The following ARHGEF4 variants were observed in gnomAD, a reference collection of about 807,000 sequenced individuals.
ARHGEF4 encodes APC-stimulated guanine nucleotide exchange factor 1.
A neutral mutation model predicts 162.0 loss-of-function variants in ARHGEF4; 119 were observed. The ratio of observed to expected loss-of-function variants is 0.73; its 90% CI spans 0.63 to 0.86. The LOEUF (loss-of-function observed/expected upper bound fraction) is 0.86, where lower values mean the gene tolerates loss of function less well. Ranked by LOEUF, ARHGEF4 falls within the 40% of genes least tolerant of loss-of-function variation. The pLI, the probability that ARHGEF4 is intolerant of heterozygous loss-of-function variation, is 0.00. For missense variants in ARHGEF4, 2,488 were observed against 2,456.0 expected (o/e 1.01, Z -0.28); for synonymous variants, 1,014 against 979.9 (o/e 1.03, Z -0.65).
intron 5 of ARHGEF4, chr2:131,035,780 C>T: frequency 1.0e-6 from 1 of 985,442 alleles, no homozygotes; most frequent in South Asian, 4.7e-5. Context: ...CTCTGAAGCC[C>T]CCACCCCTGC....
chr2:130,957,519 A>C (rs1278897428), intron 4 of ARHGEF4, among the ~76,000 whole-genome samples: 1 of 152,188 alleles, frequency 6.6e-6, no homozygotes, highest in Non-Finnish European at 1.5e-5. Context: ...GGGGGTGTTG[A>C]GAATGTTCTA....
chr2:130,864,673 G>A (rs946008061), intron 1 of ARHGEF4, among the ~76,000 whole-genome samples: 1 of 152,168 alleles, frequency 6.6e-6, no homozygotes, highest in South Asian at 2.1e-4. Context: ...GTAGTGAGCC[G>A]AGATCATGCC....
chr2:130,958,101 A>C (rs1179855421), intron 4 of ARHGEF4, among the ~76,000 whole-genome samples: 2 of 151,844 alleles, frequency 1.3e-5, no homozygotes, highest in Non-Finnish European at 2.9e-5. Flanking sequence ...ACCCCGGCTC[A>C]CCACTCTCAT....
chr2:131,006,266 A>G (rs1688107490), intron 4 of ARHGEF4, among the ~76,000 whole-genome samples: 2 of 152,198 alleles, frequency 1.3e-5, no homozygotes, highest in African/African-American at 4.8e-5. Context: ...TGACACCTTA[A>G]TTTAGGCTCT....
chr2:130,891,173 G>T (rs1343436110), intron 1 of ARHGEF4, among the ~76,000 whole-genome samples: 2 of 152,178 alleles, frequency 1.3e-5, no homozygotes, highest in Non-Finnish European at 2.9e-5. Context: ...GAGGGCAGGG[G>T]CTGTCTCTGA....
At chr2:131,045,959 G>T in intron 13 of ARHGEF4, 79 bp from the exon 14 acceptor site, 1 of 1,540,368 alleles carries the variant, frequency 6.5e-7, no homozygotes, top group South Asian at 1.2e-5. Flanking sequence ...CCCTGGGACG[G>T]ACCCCATGCT....
intron 4 of ARHGEF4, among the ~76,000 whole-genome samples, chr2:131,018,588 A>T (rs141677214): frequency 3.9e-5 from 6 of 152,310 alleles, no homozygotes; most frequent in African/African-American, 1.2e-4. Context: ...AATGCACAAA[A>T]GATTTAAATT....
At chr2:131,034,178 C>G (rs980762314) in intron 5 of ARHGEF4, among the ~76,000 whole-genome samples, 1 of 152,188 alleles carries the variant, frequency 6.6e-6, no homozygotes, top group Non-Finnish European at 1.5e-5. Context: ...CCTCCCTGCC[C>G]TCCAGGAACT....
chr2:131,035,099 GGGCCCCGCAGCCCCGGCGC>G (rs1026658961), intron 5 of ARHGEF4: 23 of 1,088,260 alleles, frequency 2.1e-5, no homozygotes, highest in Admixed American at 5.3e-5. Flanking sequence ...GCCATGGCGA[GGGCCCCGCAGCCCCGGCGC>G]GGCCCCGCGG....
At chr2:131,020,878 G>A (rs1328863390) in intron 4 of ARHGEF4, among the ~76,000 whole-genome samples, 8 of 152,058 alleles carry the variant, frequency 5.3e-5, no homozygotes, top group African/African-American at 1.7e-4. Flanking sequence ...TTTAATGATC[G>A]CCATTCTAAC....
At chr2:130,971,510 T>C (rs1685365938) in intron 4 of ARHGEF4, among the ~76,000 whole-genome samples, 1 of 151,988 alleles carries the variant, frequency 6.6e-6, no homozygotes, top group African/African-American at 2.4e-5. Flanking sequence ...ATACAAAAAT[T>C]AGCCAGGCGT....
intron 4 of ARHGEF4, among the ~76,000 whole-genome samples, chr2:130,989,567 G>A (rs891271136): frequency 3.3e-5 from 5 of 152,148 alleles, no homozygotes; most frequent in African/African-American, 1.2e-4. Context: ...GTGTCAAAAC[G>A]GAATAGGAAA....
In ARHGEF4 at chr2:131,040,275, G is replaced by A. The variant is rs1481595417; in HGVS notation, c.4497G>A (p.Gln1499=). ...TCCGCCCGCAGGGCTACGTCCGGCA[G>A]TGCCGCAAGCGCGCAGACATGTTCA... ...LRDICEGYVR[Q]CRKRADMFSE... The change falls in exon 8 of 14, where the codon CAG becomes CAA. Residue 1499 remains glutamine, a synonymous_variant. Transcript: ENST00000409359. The A allele has an allele frequency of 2.5e-6, 4 of 1,612,758 alleles. No individual in the cohort carries two copies. The African/African-American group carries it at 4.0e-5, about 16-fold the overall frequency.
At chr2:130,918,643 G>A (rs1221050835) in intron 2 of ARHGEF4, among the ~76,000 whole-genome samples, 1 of 152,204 alleles carries the variant, frequency 6.6e-6, no homozygotes, top group South Asian at 2.1e-4. Context: ...CTGGCAGAGC[G>A]CCTCCAGGCC....
intron 4 of ARHGEF4, among the ~76,000 whole-genome samples, chr2:130,947,809 T>C (rs955001990): frequency 5.3e-5 from 8 of 152,160 alleles, no homozygotes; most frequent in Non-Finnish European, 1.2e-4. Context: ...AGATCTGTCT[T>C]CTGGTGGAAG....
chr2:130,855,127 G>A (rs1681682020), intron 1 of ARHGEF4, among the ~76,000 whole-genome samples: 3 of 151,616 alleles, frequency 2.0e-5, no homozygotes, highest in South Asian at 2.1e-4. Flanking sequence ...CGCCTGCCTC[G>A]GCCTCCCAAA....
intron 4 of ARHGEF4, among the ~76,000 whole-genome samples, chr2:131,026,337 G>A (rs1485954717): frequency 6.6e-6 from 1 of 152,152 alleles, no homozygotes; most frequent in African/African-American, 2.4e-5. Flanking sequence ...CCTAGACACA[G>A]AAAACATACA....
In ARHGEF4 at chr2:130,849,507, G is replaced by C. The variant is rs148038304; in HGVS notation, c.39+12515G>C. 2.0e-5 allele frequency among the ~76,000 whole-genome samples: 3 copies of C among 152,032 alleles called. No homozygotes were observed. In the East Asian group the frequency reaches 5.8e-4, roughly 29 times the overall value. On this transcript the variant is annotated intron_variant, in intron 1 of 13. Coordinates refer to ENST00000409359, the MANE Select transcript of ARHGEF4 (RefSeq NM_001367493.1). ...GTCTGCCCTGGAACTTGAAGGAGGAGACCCTCAATCTCTAAGCAGAGGGAC... is the reference window on the plus strand; with the variant it reads ...GTCTGCCCTGGAACTTGAAGGAGGACACCCTCAATCTCTAAGCAGAGGGAC...
intron 4 of ARHGEF4, among the ~76,000 whole-genome samples, chr2:130,962,673 C>T (rs1218980630): frequency 6.6e-6 from 1 of 152,128 alleles, no homozygotes; most frequent in Non-Finnish European, 1.5e-5. Flanking sequence ...TTCTAGCACC[C>T]ACCCTATACT....
Sources: gnomAD v4.1 joint callset for allele counts (sites outside exome capture counted in the v4.1 genomes callset) on GRCh38, gnomAD v4.1.1 for gene constraint, MANE v1.5 for transcripts, NCBI Gene and HGNC (gene_info 2026-07-23, HGNC 2026-07-21) for gene names.